Variants in HMGB1 observed in about 807,000 individuals in gnomAD.
HMGB1 encodes high mobility group protein B1.
For synonymous variants in HMGB1, 81 were observed against 84.0 expected (o/e 0.96, Z 0.19); for missense variants, 79 against 253.5 (o/e 0.31, Z 4.67).
chr13:30,517,884 AG>A (rs1888135976), intron 1 of HMGB1, among the ~76,000 whole-genome samples: 1 of 152,248 alleles, frequency 6.6e-6, no homozygotes, highest in Admixed American at 6.5e-5. Context: ...ATATCTCACC[AG>A]CAGAATTTAC....
At chr13:30,465,061 A>AG in intron 1 of HMGB1, 1 of 757,802 alleles carries the variant, frequency 1.3e-6, no homozygotes, top group Non-Finnish European at 1.6e-6. Context: ...GAGAGAGGAA[A>AG]AAAAAAGTTG....
At chr13:30,590,085 T>C (rs1264123939) in intron 1 of HMGB1, among the ~76,000 whole-genome samples, 1 of 152,060 alleles carries the variant, frequency 6.6e-6, no homozygotes, top group African/African-American at 2.4e-5. Flanking sequence ...AATCTGATTA[T>C]AAATGAAATA....
chr13:30,567,380 T>C (rs1463058242), intron 1 of HMGB1, among the ~76,000 whole-genome samples: 2 of 150,300 alleles, frequency 1.3e-5, no homozygotes, highest in Non-Finnish European at 3.0e-5. Flanking sequence ...AATCTCACTC[T>C]GTCACCAGGC....
At chr13:30,554,484 T>C (rs1869587113) in intron 1 of HMGB1, 7 of 1,034,120 alleles carry the variant, frequency 6.8e-6, no homozygotes, top group Non-Finnish European at 7.6e-6. Context: ...TACATGGCTA[T>C]AATAGAAGGA....
chr13:30,586,488 T>G (rs374602965), intron 1 of HMGB1, among the ~76,000 whole-genome samples: 8,138 of 137,820 alleles, frequency 0.059, 784 homozygotes, highest in African/African-American at 0.17. Context: ...TGTTTTTTTT[T>G]TTTTTTTTTT....
At chr13:30,616,761 CTAAA>C (rs1950568837) in exon 1 of HMGB1, 1 of 152,292 alleles carries the variant, frequency 6.6e-6, no homozygotes, top group Non-Finnish European at 1.5e-5. Context: ...ATCCTTTTTA[CTAAA>C]TAATTTCTTC....
chr13:30,575,854 G>C (rs1049626200), intron 1 of HMGB1, among the ~76,000 whole-genome samples: 1 of 152,100 alleles, frequency 6.6e-6, no homozygotes, highest in African/African-American at 2.4e-5. Context: ...GTTTGAGGCT[G>C]CAGTAAGCCA....
At chr13:30,497,352 G>C (rs879450329) in intron 1 of HMGB1, among the ~76,000 whole-genome samples, 1 of 151,794 alleles carries the variant, frequency 6.6e-6, no homozygotes, top group East Asian at 1.9e-4. Flanking sequence ...TCAGCCTCCC[G>C]AGTAGCTGGG....
chr13:30,592,603 C>T (rs964033517), intron 1 of HMGB1, among the ~76,000 whole-genome samples: 2 of 152,006 alleles, frequency 1.3e-5, no homozygotes, highest in East Asian at 1.9e-4. Flanking sequence ...CTGCAGAAAC[C>T]TGACAAGTGA....
chr13:30,465,452 G>A (rs1347453154), intron 1 of HMGB1, among the ~76,000 whole-genome samples: 2 of 145,864 alleles, frequency 1.4e-5, no homozygotes, highest in Non-Finnish European at 3.0e-5. Flanking sequence ...CCGCCCGCCC[G>A]AACGCCCGGC....
intron 1 of HMGB1, among the ~76,000 whole-genome samples, chr13:30,509,803 A>G (rs1486001528): frequency 1.3e-5 from 2 of 152,232 alleles, no homozygotes; most frequent in African/African-American, 4.8e-5. Context: ...ATCTAAAATA[A>G]ACCCGCGGTG....
At chr13:30,547,600 G>T (rs754600179) in intron 1 of HMGB1, among the ~76,000 whole-genome samples, 1 of 152,122 alleles carries the variant, frequency 6.6e-6, no homozygotes, top group Non-Finnish European at 1.5e-5. Flanking sequence ...CATGGGAAAA[G>T]AGTCCTTACA....
chr13:30,478,041 G>A (rs1887138751), intron 1 of HMGB1, among the ~76,000 whole-genome samples: 1 of 152,188 alleles, frequency 6.6e-6, no homozygotes, highest in African/African-American at 2.4e-5. Flanking sequence ...GAGGAAGTAG[G>A]AAAGAGATAG....
intron 1 of HMGB1, among the ~76,000 whole-genome samples, chr13:30,505,221 C>T (rs1034560094): frequency 1.3e-5 from 2 of 151,942 alleles, no homozygotes; most frequent in African/African-American, 2.4e-5. Flanking sequence ...CCTTGTCACC[C>T]AGGCTGGAGT....
rs956202903 is a variant in HMGB1 at position 30,545,428 on chromosome 13, G to C, written c.-15+71243C>G. Among the ~76,000 whole-genome samples the C allele has an allele frequency of 2.0e-5, 3 of 151,054 alleles. No homozygotes were observed. The East Asian group carries it at 5.8e-4, about 29-fold the overall frequency. ...TTCTGTTATTCATATAAATCTGGCA[G>C]CATAGTTTTGTCAGAAAGGAATCCT... On this transcript the variant is annotated intron_variant, in intron 1 of 4. Transcript: ENST00000405805.
At chr13:30,548,207 A>G (rs1438890376) in intron 1 of HMGB1, among the ~76,000 whole-genome samples, 1 of 152,094 alleles carries the variant, frequency 6.6e-6, no homozygotes, top group African/African-American at 2.4e-5. Flanking sequence ...GGTTACCCTC[A>G]TGCTGTTCTT....
upstream of HMGB1, among the ~76,000 whole-genome samples, chr13:30,469,466 G>GGCACAATCTTGGA (rs1565997624): frequency 1.7e-5 from 2 of 119,466 alleles, no homozygotes; most frequent in African/African-American, 2.6e-5. Flanking sequence ...TGTATTTTTT[G>GGCACAATCTTGGA]TTTTTTTTTT....
chr13:30,571,583 C>T lies in HMGB1; in HGVS notation c.-15+45088G>A, dbSNP rs551416945. On this transcript the variant is annotated intron_variant, in intron 1 of 4. Transcript: ENST00000405805. ...TGCTGGGATTACAGGCGTGAGCCAC[C>T]GTACCCAGCCTAAATGGCCAAGTTT... is the stretch of plus-strand genomic sequence containing the variant. Among the ~76,000 whole-genome samples the T allele has an allele frequency of 1.8e-4, 27 of 152,210 alleles. No homozygotes were observed. The South Asian group carries it at 3.7e-3, about 21-fold the overall frequency.
At chr13:30,534,010 A>G (rs1488851600) in intron 1 of HMGB1, among the ~76,000 whole-genome samples, 1 of 152,040 alleles carries the variant, frequency 6.6e-6, no homozygotes, top group Admixed American at 6.6e-5. Context: ...GATTACAGGC[A>G]TGCACCACCA....
Sources: allele counts gnomAD v4.1 joint callset (sites outside exome capture counted in the v4.1 genomes callset), GRCh38; gene constraint gnomAD v4.1.1; transcripts MANE v1.5; gene names NCBI Gene and HGNC (gene_info 2026-07-23, HGNC 2026-07-21).